Variants in MYH16 observed in about 807,000 individuals in gnomAD.
The protein encoded by MYH16 is myosin heavy chain 16, also known as putative uncharacterized protein MYH16.
intron 8 of MYH16, among the ~76,000 whole-genome samples, chr7:99,255,397 A>G (rs1791858801): frequency 6.9e-6 from 1 of 145,108 alleles, no homozygotes; most frequent in East Asian, 2.2e-4. Flanking sequence ...GCAGTGAGCT[A>G]TGATTGTGCC....
At chr7:99,297,021 A>T (rs1262413134) in intron 34 of MYH16, 104 bp downstream of exon 15, 1 of 391,282 alleles carries the variant, frequency 2.6e-6, no homozygotes, top group Non-Finnish European at 5.2e-6. Flanking sequence ...GGCACATAGT[A>T]GGTGCTCAAT....
At chr7:99,286,387 G>A (rs1479716833) in intron 27 of MYH16, 1 of 152,626 alleles carries the variant, frequency 6.6e-6, no homozygotes, top group African/African-American at 2.4e-5. Flanking sequence ...CTGCACTCCA[G>A]CCTGGGCCAC....
intron 33 of MYH16, among the ~76,000 whole-genome samples, chr7:99,295,205 C>A (rs1217481854): frequency 6.6e-6 from 1 of 151,862 alleles, no homozygotes; most frequent in Non-Finnish European, 1.5e-5. Context: ...TCGGTGAAAT[C>A]CCGTCTCTAA....
intron 8 of MYH16, chr7:99,253,846 C>G (rs1259899043): frequency 5.7e-6 from 1 of 174,672 alleles, no homozygotes; most frequent in African/African-American, 2.4e-5. Context: ...TTATGTCTAT[C>G]CACCTGCCCC....
chr7:99,242,577 G>A (rs552406003), intron 1 of MYH16, among the ~76,000 whole-genome samples: 1 of 152,314 alleles, frequency 6.6e-6, no homozygotes, highest in South Asian at 2.1e-4. Flanking sequence ...GATTGAAGCT[G>A]CAGTGAGCTA....
downstream of MYH16, among the ~76,000 whole-genome samples, chr7:99,310,305 G>A (rs1792743119): frequency 1.3e-5 from 2 of 152,154 alleles, no homozygotes; most frequent in Admixed American, 6.5e-5. Flanking sequence ...GCTCTACTGG[G>A]TGCAAGTATT....
At chr7:99,263,944 C>T (rs534961055) in intron 14 of MYH16, among the ~76,000 whole-genome samples, 1 of 152,314 alleles carries the variant, frequency 6.6e-6, no homozygotes, top group Admixed American at 6.5e-5. Flanking sequence ...TGCACCTTCT[C>T]CCATGGTCTA....
At position 99,284,834 on chromosome 7, in the gene MYH16, TTC is replaced by T; in HGVS notation, n.3226-10_3226-9del. 2.2e-6 allele frequency: 1 copy of T among 456,586 alleles called. No homozygotes were observed. The highest frequency in any genetic ancestry group is 4.4e-6 in the Non-Finnish European group (1 of 226,942). The allele number at this position is 456,586 out of a possible 1,614,324, so 28.3% of individuals were successfully genotyped here. On this transcript the variant is annotated splice_polypyrimidine_tract_variant and intron_variant and non_coding_transcript_variant, in intron 25 of 41. Coordinates refer to ENST00000439784, the Ensembl canonical transcript of MYH16. Reference sequence around the variant, plus strand: ...GAGCCTTTCCTCAGGAGACCAACCCTTCCCTTGCAGGAGGGATTTGGAAATAA... The same window carrying T: ...GAGCCTTTCCTCAGGAGACCAACCCTCCTTGCAGGAGGGATTTGGAAATAA...
At chr7:99,267,336 C>T (rs1791997635) in intron 18 of MYH16, among the ~76,000 whole-genome samples, 1 of 152,192 alleles carries the variant, frequency 6.6e-6, no homozygotes, top group South Asian at 2.1e-4. Context: ...TCAAGTGATC[C>T]TCCTGCCTCA....
chr7:99,310,013 G>A (rs557585759), downstream of MYH16, among the ~76,000 whole-genome samples: 78 of 151,268 alleles, frequency 5.2e-4, no homozygotes, highest in African/African-American at 1.7e-3. Flanking sequence ...GTGAGAGTCC[G>A]TCTCCAGAAA....
chr7:99,264,963 C>T (rs1001770005), intron 15 of MYH16: 8 of 152,646 alleles, frequency 5.2e-5, no homozygotes, highest in South Asian at 4.1e-4. Flanking sequence ...CTGCCCAATA[C>T]GGTAGCCGCT....
chr7:99,251,443 G>C (rs1363918058), intron 6 of MYH16, among the ~76,000 whole-genome samples: 2 of 152,164 alleles, frequency 1.3e-5, no homozygotes, highest in Non-Finnish European at 2.9e-5. Flanking sequence ...AGTCCAATTG[G>C]CCTCAACACC....
intron 23 of MYH16, 46 bp from the exon 6 acceptor site, chr7:99,283,519 C>T: frequency 2.2e-6 from 1 of 454,594 alleles, no homozygotes; most frequent in Non-Finnish European, 4.4e-6. Flanking sequence ...TGTTCAGCTG[C>T]TCCCACTGGG....
chr7:99,308,904 C>T (rs1792718765), downstream of MYH16, among the ~76,000 whole-genome samples: 1 of 152,148 alleles, frequency 6.6e-6, no homozygotes, highest in South Asian at 2.1e-4. Context: ...CCAGCCTGGG[C>T]AACATAGCAA....
intron 20 of MYH16, among the ~76,000 whole-genome samples, chr7:99,275,694 G>C (rs1031249612): frequency 3.3e-5 from 5 of 152,184 alleles, no homozygotes; most frequent in African/African-American, 1.2e-4. Flanking sequence ...TCCCCTGCTT[G>C]TTACTAATTA....
At chr7:99,262,410 C>T (rs560230691) in intron 13 of MYH16, among the ~76,000 whole-genome samples, 70 of 152,250 alleles carry the variant, frequency 4.6e-4, no homozygotes, top group African/African-American at 1.6e-3. Flanking sequence ...TGGATGTGGC[C>T]GATACTTGGA....
chr7:99,269,610 T>C (rs992230679), intron 18 of MYH16, among the ~76,000 whole-genome samples: 3 of 152,132 alleles, frequency 2.0e-5, no homozygotes. Flanking sequence ...CTTTAGCACA[T>C]ATGCCTGCAG....
At chr7:99,307,513 G>A (rs945016981), downstream of MYH16, among the ~76,000 whole-genome samples, 6 of 152,048 alleles carry the variant, frequency 3.9e-5, no homozygotes, top group South Asian at 2.1e-4. Context: ...GTTTAAGCCC[G>A]GGAGTTCAAG....
chr7:99,247,556 G>T, intron 2 of MYH16: 1 of 158,002 alleles, frequency 6.3e-6, no homozygotes. Context: ...GGTACCAGGA[G>T]GAAAAATCAG....
Sources: allele counts gnomAD v4.1 joint callset (sites outside exome capture counted in the v4.1 genomes callset), GRCh38; gene constraint gnomAD v4.1.1; transcripts MANE v1.5; gene names NCBI Gene and HGNC (gene_info 2026-07-23, HGNC 2026-07-21).